PLCB1: variants seen among roughly 807,000 people sequenced by gnomAD.
PLCB1 encodes the protein phospholipase C beta 1, also known as 1-phosphatidylinositol 4,5-bisphosphate phosphodiesterase beta-1.
A neutral mutation model predicts 161.8 loss-of-function variants in PLCB1; 46 were observed. The observed-to-expected ratio is 0.28, with a 90% CI of 0.22 to 0.36. PLCB1 has a LOEUF of 0.36. Ranked by LOEUF, PLCB1 falls within the 10% of genes least tolerant of loss-of-function variation. PLCB1 has a pLI of 1.00. For synonymous variants in PLCB1, 517 were observed against 503.7 expected (o/e 1.03, Z -0.35); for missense variants, 1,016 against 1,472.5 (o/e 0.69, Z 5.07).
At chr20:8,454,407 A>C (rs1981205877) in intron 3 of PLCB1, among the ~76,000 whole-genome samples, 1 of 152,190 alleles carries the variant, frequency 6.6e-6, no homozygotes, top group Non-Finnish European at 1.5e-5. Context: ...AAAAGATCAA[A>C]CTGGCTGCTA....
At chr20:8,633,435 A>G (rs1988664333) in intron 4 of PLCB1, among the ~76,000 whole-genome samples, 1 of 152,194 alleles carries the variant, frequency 6.6e-6, no homozygotes, top group South Asian at 2.1e-4. Flanking sequence ...AGTGCCAAAT[A>G]TAACACGTAA....
At chr20:8,471,979 T>A (rs933622772) in intron 3 of PLCB1, among the ~76,000 whole-genome samples, 5 of 152,228 alleles carry the variant, frequency 3.3e-5, no homozygotes, top group African/African-American at 1.2e-4. Context: ...TTTATTGTCC[T>A]TTCCAGAATT....
chr20:8,600,953 T>C (rs1451683324), intron 3 of PLCB1, among the ~76,000 whole-genome samples: 50 of 148,512 alleles, frequency 3.4e-4, no homozygotes, highest in South Asian at 8.6e-4. Context: ...CTCGCCCTGC[T>C]TCAGCTCGCG....
chr20:8,340,486 G>C (rs577297079), intron 2 of PLCB1, among the ~76,000 whole-genome samples: 33 of 152,046 alleles, frequency 2.2e-4, no homozygotes, highest in Admixed American at 6.5e-4. Flanking sequence ...GCAGTGGCGC[G>C]ATCTCGGCTC....
intron 3 of PLCB1, among the ~76,000 whole-genome samples, chr20:8,615,365 G>A (rs1372623023): frequency 1.3e-5 from 2 of 152,076 alleles, no homozygotes; most frequent in Non-Finnish European, 2.9e-5. Context: ...AATACATCAC[G>A]CTTTGGAGAT....
At chr20:8,402,610 G>A (rs887070378) in intron 3 of PLCB1, among the ~76,000 whole-genome samples, 10 of 151,664 alleles carry the variant, frequency 6.6e-5, no homozygotes, top group East Asian at 3.9e-4. Context: ...CGAGGCAGGC[G>A]GATCACAAGG....
At chr20:8,795,536 G>A (rs965576584) in intron 31 of PLCB1, among the ~76,000 whole-genome samples, 4 of 152,134 alleles carry the variant, frequency 2.6e-5, no homozygotes, top group African/African-American at 9.7e-5. Flanking sequence ...AGTGTATGTG[G>A]GTTTCAGTTT....
intron 2 of PLCB1, among the ~76,000 whole-genome samples, chr20:8,343,824 A>G (rs1985899516): frequency 6.6e-6 from 1 of 152,220 alleles, no homozygotes; most frequent in Admixed American, 6.5e-5. Context: ...ATTTATTGAA[A>G]ATGAATAAAC....
intron 12 of PLCB1, 47 bp from the exon 13 acceptor site, chr20:8,716,217 T>C (rs1979302195): frequency 7.2e-7 from 1 of 1,398,514 alleles, no homozygotes; most frequent in Admixed American, 1.7e-5. Flanking sequence ...TCAGGTTCTT[T>C]GGATAAGCCT....
chr20:8,591,681 G>A (rs1008183911), intron 3 of PLCB1, among the ~76,000 whole-genome samples: 8 of 152,176 alleles, frequency 5.3e-5, no homozygotes, highest in South Asian at 2.1e-4. Context: ...TAGGGGCCAC[G>A]TGGGAATTTC....
At chr20:8,293,407 A>C (rs1445626437) in intron 2 of PLCB1, among the ~76,000 whole-genome samples, 1 of 152,158 alleles carries the variant, frequency 6.6e-6, no homozygotes, top group Non-Finnish European at 1.5e-5. Flanking sequence ...GAATTATTTT[A>C]TGTATAGTTC....
chr20:8,814,626 G>T (rs1309640857), intron 31 of PLCB1, among the ~76,000 whole-genome samples: 1 of 148,350 alleles, frequency 6.7e-6, no homozygotes, highest in Non-Finnish European at 1.5e-5. Flanking sequence ...TATTTAAAAG[G>T]CAGGTTTACT....
At chr20:8,554,739 A>G (rs886827481) in intron 3 of PLCB1, among the ~76,000 whole-genome samples, 8 of 152,128 alleles carry the variant, frequency 5.3e-5, no homozygotes, top group African/African-American at 1.2e-4. Flanking sequence ...CATTATTTGT[A>G]TATAAATTAT....
intron 2 of PLCB1, among the ~76,000 whole-genome samples, chr20:8,240,885 T>G (rs1980575485): frequency 1.3e-5 from 2 of 152,002 alleles, no homozygotes; most frequent in Admixed American, 1.3e-4. Context: ...GCTTCATACT[T>G]TTCCTATTCT....
chr20:8,461,948 C>A (rs1304775826), intron 3 of PLCB1, among the ~76,000 whole-genome samples: 4 of 152,092 alleles, frequency 2.6e-5, no homozygotes, highest in Non-Finnish European at 5.9e-5. Flanking sequence ...CATAATTTCC[C>A]CTTGTTTAAA....
At chr20:8,156,694 T>C (rs913007624) in intron 2 of PLCB1, among the ~76,000 whole-genome samples, 8 of 152,210 alleles carry the variant, frequency 5.3e-5, no homozygotes, top group African/African-American at 1.2e-4. Flanking sequence ...CTGCTGTGTA[T>C]TTAATGAGTC....
chr20:8,601,466 G>A (rs1987584634), intron 3 of PLCB1, among the ~76,000 whole-genome samples: 1 of 152,182 alleles, frequency 6.6e-6, no homozygotes, highest in Non-Finnish European at 1.5e-5. Flanking sequence ...AAGTGAGAAC[G>A]TGTGAGTTGG....
chr20:8,822,543 G>A (rs1383378111), intron 31 of PLCB1, among the ~76,000 whole-genome samples: 1 of 152,186 alleles, frequency 6.6e-6, no homozygotes, highest in Non-Finnish European at 1.5e-5. Context: ...TAAAGCCAGT[G>A]TGGAGATTAA....
intron 3 of PLCB1, among the ~76,000 whole-genome samples, chr20:8,488,506 C>T (rs1982820133): frequency 6.6e-6 from 1 of 152,158 alleles, no homozygotes; most frequent in Non-Finnish European, 1.5e-5. Context: ...AATATGGAAA[C>T]ATCAAACCCC....
Sources: gnomAD v4.1 joint callset for allele counts (sites outside exome capture counted in the v4.1 genomes callset) on GRCh38, gnomAD v4.1.1 for gene constraint, MANE v1.5 for transcripts, NCBI Gene and HGNC (gene_info 2026-07-23, HGNC 2026-07-21) for gene names.